PPP2R2C: variants seen among roughly 807,000 people sequenced by gnomAD.
PPP2R2C encodes the protein protein phosphatase 2 regulatory subunit Bgamma.
Under a neutral mutation model 45.3 loss-of-function variants are expected in PPP2R2C, and 10 were observed. The observed-to-expected ratio is 0.22, with a 90% CI of 0.14 to 0.37. The LOEUF is 0.37. Among genes scored for constraint, PPP2R2C ranks in the 10% least tolerant of loss-of-function variants. The pLI, the probability that PPP2R2C is intolerant of heterozygous loss-of-function variation, is 1.00. For synonymous variants in PPP2R2C, 257 were observed against 245.4 expected (o/e 1.05, Z -0.44); for missense variants, 308 against 619.7 (o/e 0.50, Z 5.34).
At chr4:6,479,968 C>T (rs1262740975) in intron 2 of PPP2R2C, among the ~76,000 whole-genome samples, 7 of 152,150 alleles carry the variant, frequency 4.6e-5, no homozygotes, top group African/African-American at 1.7e-4. Flanking sequence ...ACCTTAGCCA[C>T]TGAAGTAGCT....
intron 1 of PPP2R2C, 176 bp from the exon 2 acceptor site, chr4:6,381,270 C>T: frequency 6.5e-7 from 1 of 1,531,944 alleles, no homozygotes; most frequent in Non-Finnish European, 8.7e-7. Flanking sequence ...ACCAACCTGT[C>T]CCCTCCTGCC....
chr4:6,443,526 T>C (rs982741613), intron 1 of PPP2R2C, among the ~76,000 whole-genome samples: 1 of 152,102 alleles, frequency 6.6e-6, no homozygotes, highest in African/African-American at 2.4e-5. Context: ...CAGAAGTCAC[T>C]CTGCCGCAAC....
chr4:6,474,876 T>C (rs1289320134), upstream of PPP2R2C, among the ~76,000 whole-genome samples: 3 of 146,978 alleles, frequency 2.0e-5, no homozygotes, highest in Admixed American at 6.8e-5. Context: ...CACAATCTGC[T>C]GCTTCCTCAT....
intron 1 of PPP2R2C, among the ~76,000 whole-genome samples, chr4:6,463,228 T>G (rs965316466): frequency 6.6e-6 from 1 of 152,200 alleles, no homozygotes; most frequent in Non-Finnish European, 1.5e-5. Context: ...TCTCTCTGCT[T>G]CATAGATGGG....
At chr4:6,397,362 G>A (rs1373144361) in intron 1 of PPP2R2C, among the ~76,000 whole-genome samples, 4 of 152,234 alleles carry the variant, frequency 2.6e-5, no homozygotes, top group Admixed American at 1.3e-4. Flanking sequence ...TCGGGGCCTG[G>A]CTTGATAAAC....
intron 5 of PPP2R2C, among the ~76,000 whole-genome samples, chr4:6,365,453 A>G (rs1714214060): frequency 6.6e-6 from 1 of 152,110 alleles, no homozygotes; most frequent in Admixed American, 6.5e-5. Context: ...CAGGCCCCAT[A>G]CTCATCGGCC....
At chr4:6,365,200 G>C (rs1292871564) in intron 5 of PPP2R2C, among the ~76,000 whole-genome samples, 1 of 152,184 alleles carries the variant, frequency 6.6e-6, no homozygotes, top group East Asian at 1.9e-4. Context: ...CAATGCTGCT[G>C]AATCAACCAA....
chr4:6,344,964 T>C (rs2109215282), intron 6 of PPP2R2C, among the ~76,000 whole-genome samples: 1 of 152,340 alleles, frequency 6.6e-6, no homozygotes, highest in Non-Finnish European at 1.5e-5. Context: ...CCGAATAGAT[T>C]TGCACACAAG....
At chr4:6,520,573 T>C (rs1043431473) in intron 2 of PPP2R2C, among the ~76,000 whole-genome samples, 2 of 152,012 alleles carry the variant, frequency 1.3e-5, no homozygotes, top group African/African-American at 2.4e-5. Flanking sequence ...CCAAAACCAA[T>C]AAAAACTGGC....
chr4:6,446,735 C>G (rs115028473), intron 1 of PPP2R2C, among the ~76,000 whole-genome samples: 5 of 152,060 alleles, frequency 3.3e-5, no homozygotes, highest in Non-Finnish European at 5.9e-5. Context: ...CGCCAACGGC[C>G]CACTGTCTCC....
At chr4:6,534,890 C>T (rs1333393806) in intron 2 of PPP2R2C, among the ~76,000 whole-genome samples, 1 of 152,258 alleles carries the variant, frequency 6.6e-6, no homozygotes, top group East Asian at 1.9e-4. Flanking sequence ...TGCTGCGACC[C>T]CAGGGGCCGG....
At chr4:6,381,367 T>C in intron 1 of PPP2R2C, 2 of 1,485,998 alleles carry the variant, frequency 1.3e-6, no homozygotes, top group Non-Finnish European at 1.8e-6. Context: ...GCAGACTTTA[T>C]AGTAACTGGA....
chr4:6,411,060 G>A (rs1476366774), intron 1 of PPP2R2C, among the ~76,000 whole-genome samples: 1 of 151,800 alleles, frequency 6.6e-6, no homozygotes, highest in African/African-American at 2.4e-5. Flanking sequence ...TTGTAGAGAT[G>A]GAGTTTCACC....
intron 1 of PPP2R2C, chr4:6,384,606 C>A (rs939520386): frequency 3.0e-6 from 3 of 985,186 alleles, no homozygotes; most frequent in African/African-American, 3.5e-5. Flanking sequence ...GGGAACATAA[C>A]AATGCTATTA....
At chr4:6,389,228 T>C (rs1474079650) in intron 1 of PPP2R2C, among the ~76,000 whole-genome samples, 1 of 152,150 alleles carries the variant, frequency 6.6e-6, no homozygotes, top group Non-Finnish European at 1.5e-5. Context: ...GACTAGGACG[T>C]TCCCTGGAAA....
In PPP2R2C at chr4:6,389,421, T is replaced by C. The variant is rs142492373; in HGVS notation, c.71-8327A>G. 2.4e-4 allele frequency among the ~76,000 whole-genome samples: 36 copies of C among 152,306 alleles called. No individual in the cohort carries two copies. In the East Asian group the frequency reaches 6.6e-3, roughly 28 times the overall value. ...CCCAGCTCGAGCCTTCTGATGAGGTTGTTGCATTTAATTAGCATTGTCAGA... is the reference window on the plus strand; with the variant it reads ...CCCAGCTCGAGCCTTCTGATGAGGTCGTTGCATTTAATTAGCATTGTCAGA... On this transcript the variant is annotated intron_variant, in intron 1 of 8. Coordinates refer to ENST00000382599, the MANE Select transcript of PPP2R2C (RefSeq NM_020416.4).
Position 6,328,789 on chromosome 4 carries a change from G to T in PPP2R2C, c.1052+473C>A, listed in dbSNP as rs756500279. ...GGTGCCCCTGAGCCTCAGCGGGCCC[G>T]AGTGGGGTGTCACCAGGAAGAGAGG... On this transcript the variant is annotated intron_variant, in intron 8 of 8. Coordinates refer to ENST00000382599, the MANE Select transcript of PPP2R2C (RefSeq NM_020416.4). The surrounding 1 kb of genome is among the most constrained non-coding windows in gnomAD (Gnocchi z 4.4). 2.6e-5 allele frequency among the ~76,000 whole-genome samples: 4 copies of T among 152,186 alleles called. No homozygotes were observed. Among genetic ancestry groups the T allele is most frequent in the African/African-American group, 9.7e-5 (4 of 41,444 alleles).
intron 5 of PPP2R2C, among the ~76,000 whole-genome samples, chr4:6,362,011 G>A (rs1433574913): frequency 6.6e-6 from 1 of 152,100 alleles, no homozygotes; most frequent in Admixed American, 6.5e-5. Context: ...TAGTGGGTGG[G>A]AAAATGTTTG....
At chr4:6,532,347 C>T (rs962914045) in intron 2 of PPP2R2C, among the ~76,000 whole-genome samples, 1 of 152,194 alleles carries the variant, frequency 6.6e-6, no homozygotes, top group African/African-American at 2.4e-5. Context: ...TTCCTGATGC[C>T]CAGGCCAGGG....
Sources: gnomAD v4.1 joint callset for allele counts (sites outside exome capture counted in the v4.1 genomes callset) on GRCh38, gnomAD v4.1.1 for gene constraint, Gnocchi (gnomAD v3.1) non-coding constraint, MANE v1.5 for transcripts, NCBI Gene and HGNC (gene_info 2026-07-23, HGNC 2026-07-21) for gene names.